Variants in ABCB11 observed in about 807,000 individuals in gnomAD.
ABCB11 encodes bile salt export pump.
In ABCB11, 95 loss-of-function variants were observed where a neutral mutation model predicts 148.0. The observed-to-expected ratio is 0.64, with a 90% CI of 0.54 to 0.76. ABCB11 has a LOEUF of 0.76. Among genes scored for constraint, ABCB11 ranks in the 30% least tolerant of loss-of-function variants. The pLI, the probability that ABCB11 is intolerant of heterozygous loss-of-function variation, is 0.00. For synonymous variants in ABCB11, 591 were observed against 555.4 expected, an observed-to-expected ratio of 1.06 and a Z score of -0.90; for missense variants, 1,523 against 1,617.8, an observed-to-expected ratio of 0.94 and a Z score of 1.01.
At chr2:168,935,969 T>C (rs1691801033) in intron 22 of ABCB11, among the ~76,000 whole-genome samples, 1 of 152,162 alleles carries the variant, frequency 6.6e-6, no homozygotes, top group South Asian at 2.1e-4. Flanking sequence ...GTGGAATGAA[T>C]CACTATGCGA....
chr2:168,928,130 T>A (rs1197269001), intron 25 of ABCB11, among the ~76,000 whole-genome samples: 1 of 152,228 alleles, frequency 6.6e-6, no homozygotes, highest in Non-Finnish European at 1.5e-5. Context: ...GAACAGATTA[T>A]ATTTAAGATA....
intron 17 of ABCB11, among the ~76,000 whole-genome samples, chr2:168,966,244 C>T (rs1693312247): frequency 6.6e-6 from 1 of 151,886 alleles, no homozygotes; most frequent in Non-Finnish European, 1.5e-5. Flanking sequence ...AAAGCAAATG[C>T]AGAGCAATGG....
intron 19 of ABCB11, among the ~76,000 whole-genome samples, chr2:168,946,276 C>G (rs1381610400): frequency 6.6e-6 from 1 of 151,748 alleles, no homozygotes. Flanking sequence ...CAAAGGAGAC[C>G]ATTTATTCAA....
chr2:168,972,081 T>C (rs763229925), intron 13 of ABCB11, 31 bp from the exon 14 acceptor site: 3 of 1,597,360 alleles, frequency 1.9e-6, no homozygotes, highest in Non-Finnish European at 2.6e-6. Context: ...ATCACAACTT[T>C]TGGAATCTTT....
At chr2:168,953,350 C>T (rs187044958) in intron 19 of ABCB11, among the ~76,000 whole-genome samples, 35 of 151,184 alleles carry the variant, frequency 2.3e-4, no homozygotes, top group Non-Finnish European at 3.8e-4. Flanking sequence ...TTTAGTTTTG[C>T]TTATATTTGT....
At chr2:168,968,881 G>A (rs1187039090) in intron 16 of ABCB11, among the ~76,000 whole-genome samples, 1 of 151,866 alleles carries the variant, frequency 6.6e-6, no homozygotes, top group African/African-American at 2.4e-5. Context: ...ACACCTAATG[G>A]AGTGAAATGG....
Position 168,996,741 on chromosome 2 carries a change from A to G in ABCB11, c.390-19T>C, listed in dbSNP as rs1694728000. On this transcript the variant is annotated intron_variant, in intron 5 of 27. Transcript: ENST00000650372. ...CAGCAACCTTCAAAAGAGGGAAAAGAATGTTCAGACTTGCAAGTAGGATCA... is the reference window on the plus strand; with the variant it reads ...CAGCAACCTTCAAAAGAGGGAAAAGGATGTTCAGACTTGCAAGTAGGATCA... 1.3e-6 allele frequency: 2 copies of G among 1,512,818 alleles called. No homozygotes were observed. The highest frequency in any genetic ancestry group is 8.9e-7 in the Non-Finnish European group (1 of 1,121,152). The allele number at this position is 1,512,818 out of a possible 1,614,324, so 93.7% of individuals were successfully genotyped here. A position where few individuals can be genotyped will look rare whatever the true frequency, so the allele number is the denominator to read the frequency against.
At chr2:168,946,650 A>G (rs1692336791) in intron 19 of ABCB11, among the ~76,000 whole-genome samples, 1 of 151,822 alleles carries the variant, frequency 6.6e-6, no homozygotes, top group South Asian at 2.1e-4. Flanking sequence ...CACAATTCCC[A>G]TTCCTCCTTA....
intron 25 of ABCB11, 58 bp from the exon 26 acceptor site, chr2:168,927,420 G>A: frequency 7.0e-7 from 1 of 1,429,584 alleles, no homozygotes; most frequent in Middle Eastern, 1.8e-4. Context: ...AGTGAGGAAA[G>A]TTCATATTCT....
At chr2:168,931,391 G>T (rs137874479) in intron 24 of ABCB11, among the ~76,000 whole-genome samples, 137 of 152,246 alleles carry the variant, frequency 9.0e-4, no homozygotes, top group African/African-American at 2.6e-3. Flanking sequence ...TACATTTACT[G>T]AACTGAAGGA....
At chr2:168,972,605 G>A (rs1693632757) in intron 13 of ABCB11, among the ~76,000 whole-genome samples, 1 of 152,054 alleles carries the variant, frequency 6.6e-6, no homozygotes, top group African/African-American at 2.4e-5. Flanking sequence ...TATTCAGAGT[G>A]CAGTTATGGT....
chr2:168,987,439 T>G (rs10167993), intron 9 of ABCB11, among the ~76,000 whole-genome samples: 7,650 of 152,250 alleles, frequency 0.05, 638 homozygotes, highest in African/African-American at 0.17. Context: ...AACACTAATT[T>G]GTTTTTTGAG....
At chr2:168,938,689 A>T (rs1423389775) in intron 21 of ABCB11, among the ~76,000 whole-genome samples, 2 of 152,188 alleles carry the variant, frequency 1.3e-5, no homozygotes, top group African/African-American at 4.8e-5. Flanking sequence ...TTGTGTTACA[A>T]ATATTTTACC....
chr2:168,980,178 T>C (rs1558905477), intron 10 of ABCB11, among the ~76,000 whole-genome samples, 199 bp from the exon 11 acceptor site: 2 of 126,196 alleles, frequency 1.6e-5, no homozygotes, highest in African/African-American at 3.3e-5. Context: ...TCCACTGTTA[T>C]GATTTAAAAT....
chr2:168,986,227 C>G lies in ABCB11; in HGVS notation c.966G>C (p.Met322Ile). The change falls in exon 10 of 28, where the codon ATG becomes ATC. Residue 322 changes from methionine (M) to isoleucine (I), a missense_variant. Coordinates refer to ENST00000650372, the MANE Select transcript of ABCB11 (RefSeq NM_003742.4). The part of the protein sequence containing the change: ...QRWGIRKGIV[M>I]GFFTGFVWCL... ...ACCACACGAATCCAGTAAAGAATCCCATCACTATTCCTTTTCTAATTCCCC... is the reference window on the plus strand; with the variant it reads ...ACCACACGAATCCAGTAAAGAATCCGATCACTATTCCTTTTCTAATTCCCC... 6.2e-7 allele frequency: 1 copy of G among 1,613,394 alleles called. No individual in the cohort carries two copies.
intron 11 of ABCB11, among the ~76,000 whole-genome samples, chr2:168,977,120 T>C (rs1036793160): frequency 6.7e-6 from 1 of 148,588 alleles, no homozygotes; most frequent in Non-Finnish European, 1.5e-5. Flanking sequence ...ATAATACATA[T>C]GTTGTATTAA....
chr2:168,967,198 A>C (rs1693356843), intron 17 of ABCB11, among the ~76,000 whole-genome samples: 1 of 151,912 alleles, frequency 6.6e-6, no homozygotes, highest in Non-Finnish European at 1.5e-5. Flanking sequence ...TCAGAAAAGC[A>C]TGACTAAACT....
At position 169,018,131 on chromosome 2, in the gene ABCB11, T is replaced by C. The variant is rs1330130250; in HGVS notation, c.-6A>G. ...AGAATTACTGAGTCAGACATGGTAA[T>C]TGCAACCCACAGCCAACGACCCTAT... is the stretch of plus-strand genomic sequence containing the variant. On this transcript the variant is annotated 5_prime_UTR_variant, in exon 2 of 28. Coordinates refer to ENST00000650372, the MANE Select transcript of ABCB11 (RefSeq NM_003742.4). 5 of 1,613,524 alleles carry C rather than the reference T, an allele frequency of 3.1e-6. No homozygotes were observed. The highest frequency in any genetic ancestry group is 1.7e-4 in the Middle Eastern group (1 of 6,044).
downstream of ABCB11, among the ~76,000 whole-genome samples, chr2:168,917,215 G>A (rs1295637990): frequency 6.6e-6 from 1 of 151,754 alleles, no homozygotes; most frequent in Non-Finnish European, 1.5e-5. Flanking sequence ...AAAAACTAGA[G>A]GCCAATTTTT....
Sources: allele counts gnomAD v4.1 joint callset (sites outside exome capture counted in the v4.1 genomes callset), GRCh38; gene constraint gnomAD v4.1.1; transcripts MANE v1.5; gene names NCBI Gene and HGNC (gene_info 2026-07-23, HGNC 2026-07-21).